The following AFAP1 variants were observed in gnomAD, a reference collection of about 807,000 sequenced individuals.
The protein encoded by AFAP1 is actin filament-associated protein 1.
AFAP1 carries 75 observed loss-of-function variants against 93.9 expected under a neutral mutation model. That is an observed-to-expected ratio of 0.80 (90% CI 0.66 to 0.97). AFAP1 has a LOEUF of 0.97. Among genes scored for constraint, AFAP1 ranks in the 50% least tolerant of loss-of-function variants. The pLI, the probability that AFAP1 is intolerant of heterozygous loss-of-function variation, is 0.00. For synonymous variants in AFAP1, 517 were observed against 430.7 expected, an observed-to-expected ratio of 1.20 and a Z score of -2.48; for missense variants, 1,201 against 1,050.8, an observed-to-expected ratio of 1.14 and a Z score of -1.98.
chr4:7,783,280 C>T (rs934253591), intron 12 of AFAP1, among the ~76,000 whole-genome samples: 1 of 152,162 alleles, frequency 6.6e-6, no homozygotes, highest in Admixed American at 6.5e-5. Flanking sequence ...GCTAGGATTA[C>T]AGATACCCAC....
At chr4:7,769,158 G>T in intron 16 of AFAP1, 150 bp from the exon 17 acceptor site, 1 of 1,067,842 alleles carries the variant, frequency 9.4e-7, no homozygotes, top group Non-Finnish European at 1.3e-6. Flanking sequence ...CGTGGTCAGT[G>T]CCTCACCCCC....
chr4:7,915,485 AAAAG>A (rs1720038959), intron 1 of AFAP1, among the ~76,000 whole-genome samples: 1 of 151,952 alleles, frequency 6.6e-6, no homozygotes, highest in African/African-American at 2.4e-5. Context: ...TCTAAAAAAA[AAAAG>A]AAGAAGAAGA....
At position 7,900,976 on chromosome 4, in the gene AFAP1, G is replaced by A. The variant is rs1288546942; in HGVS notation, c.-2-28896C>T. ...TATGTTCATCAAAAAACAGCTTTGG[G>A]CTAGGGAATCTGTTGCTTTCCAATG... is the stretch of plus-strand genomic sequence containing the variant. On this transcript the variant is annotated intron_variant, in intron 1 of 17. Transcript: ENST00000420658. Among the ~76,000 whole-genome samples, 7 of 152,276 alleles carry A rather than the reference G, an allele frequency of 4.6e-5. No homozygotes were observed. The South Asian group carries it at 1.2e-3, about 27-fold the overall frequency.
intron 14 of AFAP1, chr4:7,776,974 TTC>T (rs1399952619): frequency 6.6e-6 from 1 of 152,214 alleles, no homozygotes; most frequent in African/African-American, 2.4e-5. Context: ...GCCATTATTT[TTC>T]TCTTTTGTCA....
intron 10 of AFAP1, among the ~76,000 whole-genome samples, chr4:7,797,883 G>C (rs1230185200): frequency 6.6e-6 from 1 of 152,184 alleles, no homozygotes; most frequent in Non-Finnish European, 1.5e-5. Flanking sequence ...GACGTAGAGA[G>C]AAAGGGGCAC....
At chr4:7,865,937 C>G (rs1007537501) in intron 3 of AFAP1, among the ~76,000 whole-genome samples, 1 of 152,250 alleles carries the variant, frequency 6.6e-6, no homozygotes, top group Non-Finnish European at 1.5e-5. Flanking sequence ...GGTCTTGTTA[C>G]GCAGGCTGGA....
chr4:7,866,385 G>A (rs1577315977), intron 3 of AFAP1, among the ~76,000 whole-genome samples: 1 of 151,986 alleles, frequency 6.6e-6, no homozygotes, highest in South Asian at 2.1e-4. Flanking sequence ...CTCTACAGAT[G>A]GGGTTTCGCT....
chr4:7,769,193 C>CG (rs1007754501), intron 16 of AFAP1, among the ~76,000 whole-genome samples, 185 bp from the exon 17 acceptor site: 11 of 152,180 alleles, frequency 7.2e-5, no homozygotes, highest in Non-Finnish European at 1.5e-4. Context: ...CATTCACGGC[C>CG]GGGGGGCAGA....
At chr4:7,852,092 T>G (rs536298966) in intron 4 of AFAP1, among the ~76,000 whole-genome samples, 2 of 152,304 alleles carry the variant, frequency 1.3e-5, no homozygotes, top group Admixed American at 1.3e-4. Flanking sequence ...CCAATTATAG[T>G]GCCAGCCAAC....
At chr4:7,864,932 C>T (rs13147998) in intron 3 of AFAP1, among the ~76,000 whole-genome samples, 26,911 of 151,892 alleles carry the variant, frequency 0.18, 2,602 homozygotes, top group Non-Finnish European at 0.23. Flanking sequence ...GAGCTATGAT[C>T]GTGCCACTGC....
At chr4:7,864,765 A>C (rs182392305) in intron 3 of AFAP1, among the ~76,000 whole-genome samples, 8 of 152,362 alleles carry the variant, frequency 5.3e-5, no homozygotes, top group Admixed American at 3.9e-4. Flanking sequence ...AATGAAAAAA[A>C]TGAGTGCCAA....
At chr4:7,909,707 C>T (rs1719625333) in intron 1 of AFAP1, among the ~76,000 whole-genome samples, 9 of 152,134 alleles carry the variant, frequency 5.9e-5, no homozygotes, top group Admixed American at 5.9e-4. Context: ...TCCAATTCAC[C>T]GTGGATCAGT....
intron 6 of AFAP1, among the ~76,000 whole-genome samples, chr4:7,832,670 T>TAAAA (rs5855986): frequency 7.0e-6 from 1 of 142,500 alleles, no homozygotes; most frequent in Non-Finnish European, 1.5e-5. Context: ...ATTCATATGT[T>TAAAA]AAAAAAAAAA....
At chr4:7,806,465 T>C (rs1719524311) in intron 9 of AFAP1, among the ~76,000 whole-genome samples, 1 of 152,140 alleles carries the variant, frequency 6.6e-6, no homozygotes, top group African/African-American at 2.4e-5. Context: ...CCGCTTTCAG[T>C]GGCTCCTGGG....
intron 6 of AFAP1, among the ~76,000 whole-genome samples, chr4:7,822,812 C>T (rs1721090372): frequency 6.7e-6 from 1 of 149,056 alleles, no homozygotes; most frequent in African/African-American, 2.5e-5. Context: ...CCAGGATGGT[C>T]TTGAACTCCG....
At chr4:7,906,461 C>CCCCT (rs1454762084) in intron 1 of AFAP1, among the ~76,000 whole-genome samples, 1 of 152,162 alleles carries the variant, frequency 6.6e-6, no homozygotes, top group Non-Finnish European at 1.5e-5. Flanking sequence ...ATTTTCCACC[C>CCCCT]CCCTATTCCG....
At chr4:7,847,287 CA>C (rs1287252332) in intron 4 of AFAP1, among the ~76,000 whole-genome samples, 6 of 151,990 alleles carry the variant, frequency 3.9e-5, no homozygotes, top group African/African-American at 1.5e-4. Flanking sequence ...ATGACCCAAT[CA>C]AGAGAACTCT....
At chr4:7,900,648 A>C (rs1165915865) in intron 1 of AFAP1, among the ~76,000 whole-genome samples, 4 of 152,196 alleles carry the variant, frequency 2.6e-5, no homozygotes, top group Admixed American at 6.5e-5. Flanking sequence ...TACACCACAC[A>C]ATTGGCTTCT....
chr4:7,763,874 A>AG (rs1714159178), intron 17 of AFAP1, 83 bp from the exon 18 acceptor site: 1 of 1,418,024 alleles, frequency 7.1e-7, no homozygotes, highest in South Asian at 1.2e-5. Context: ...CATTCAACTC[A>AG]GAGGGGGTGG....
Sources: allele counts gnomAD v4.1 joint callset (sites outside exome capture counted in the v4.1 genomes callset), GRCh38; gene constraint gnomAD v4.1.1; transcripts MANE v1.5; gene names NCBI Gene and HGNC (gene_info 2026-07-23, HGNC 2026-07-21).